RYR3: variants seen among roughly 807,000 people sequenced by gnomAD.
The protein encoded by RYR3 is brain ryanodine receptor-calcium release channel.
Under a neutral mutation model 584.3 loss-of-function variants are expected in RYR3, and 207 were observed. That is an observed-to-expected ratio of 0.35 (90% CI 0.32 to 0.40). The LOEUF (loss-of-function observed/expected upper bound fraction) is 0.40, where lower values mean the gene tolerates loss of function less well. RYR3 is among the 10% of genes least tolerant of loss of function. RYR3 has a pLI of 1.00. For missense variants in RYR3, 5,616 were observed against 6,089.2 expected (o/e 0.92, Z 2.59); for synonymous variants, 2,416 against 2,248.5 (o/e 1.07, Z -2.11).
Position 33,865,765 on chromosome 15 carries a change from CGATT to C in RYR3, c.*540_*543del, listed in dbSNP as rs1890309302. The C allele has an allele frequency of 6.5e-6, 1 of 153,278 alleles. No individual in the cohort carries two copies. Among genetic ancestry groups the C allele is most frequent in the Non-Finnish European group, 1.5e-5 (1 of 68,520 alleles). The allele number at this position is 153,278 out of a possible 1,614,324, so 9.5% of individuals were successfully genotyped here. On this transcript the variant is annotated 3_prime_UTR_variant, in exon 104 of 104. Coordinates refer to ENST00000634891, the MANE Select transcript of RYR3 (RefSeq NM_001036.6). ...CGACACTTTGTCGACACTGAAATAT[CGATT>C]AAGTGCCTTAAAACCTCTTTAGACA...
chr15:33,584,649 C>T (rs1198722697), intron 15 of RYR3, among the ~76,000 whole-genome samples, 159 bp downstream of exon 15: 2 of 152,092 alleles, frequency 1.3e-5, no homozygotes, highest in East Asian at 1.9e-4. Context: ...CTTCCTGGCA[C>T]CTGTACGACT....
intron 62 of RYR3, 114 bp downstream of exon 62, chr15:33,769,286 A>G: frequency 1.2e-6 from 1 of 830,452 alleles, no homozygotes; most frequent in African/African-American, 1.7e-5. Flanking sequence ...TTGAGAAGAG[A>G]GGAGAGACAG....
chr15:33,531,671 G>A (rs1251671722), intron 4 of RYR3, among the ~76,000 whole-genome samples: 1 of 151,304 alleles, frequency 6.6e-6, no homozygotes, highest in African/African-American at 2.4e-5. Context: ...GCACTGGTAA[G>A]AGGCTGACCT....
At chr15:33,741,906 G>T (rs1314287675) in intron 51 of RYR3, among the ~76,000 whole-genome samples, 4 of 152,106 alleles carry the variant, frequency 2.6e-5, no homozygotes, top group Non-Finnish European at 4.4e-5. Flanking sequence ...GAGCCACAGC[G>T]CCCGGCCCCA....
intron 40 of RYR3, among the ~76,000 whole-genome samples, chr15:33,699,198 G>A (rs2152769590): frequency 6.6e-6 from 1 of 151,592 alleles, no homozygotes; most frequent in East Asian, 2.0e-4. Flanking sequence ...TGGGCCTTAT[G>A]TGTCTACGAT....
intron 1 of RYR3, among the ~76,000 whole-genome samples, chr15:33,438,898 A>C (rs2045970389): frequency 6.6e-6 from 1 of 152,214 alleles, no homozygotes; most frequent in Non-Finnish European, 1.5e-5. Flanking sequence ...TCATACAAAC[A>C]AAAGGATACA....
At chr15:33,810,909 C>A in intron 71 of RYR3, 69 bp from the exon 72 acceptor site, 1 of 1,323,490 alleles carries the variant, frequency 7.6e-7, no homozygotes, top group Non-Finnish European at 1.1e-6. Flanking sequence ...ACTCTCCATA[C>A]ATCCCCATAT....
intron 46 of RYR3, among the ~76,000 whole-genome samples, chr15:33,728,009 C>T (rs754892847): frequency 2.9e-4 from 44 of 152,246 alleles, no homozygotes; most frequent in African/African-American, 8.9e-4. Context: ...CTAAATCAGA[C>T]GATTATTTCC....
rs145714318 is a variant in RYR3, at chr15:33,730,289, A to G, written c.7204-1185A>G. 4.8e-3 allele frequency among the ~76,000 whole-genome samples: 736 copies of G among 152,208 alleles called. 11 individuals are homozygous for G. Among genetic ancestry groups the G allele is most frequent in the African/African-American group, 0.017 (716 of 41,550 alleles). ...TCAAATAAACAGCAAATGCTATTCT[A>G]GTATCTGGTGTTCAATCACATGTTT... On this transcript the variant is annotated intron_variant, in intron 47 of 103. Coordinates refer to ENST00000634891, the MANE Select transcript of RYR3 (RefSeq NM_001036.6).
At chr15:33,618,833 A>G (rs1407123235) in intron 19 of RYR3, among the ~76,000 whole-genome samples, 1 of 152,222 alleles carries the variant, frequency 6.6e-6, no homozygotes, top group Non-Finnish European at 1.5e-5. Flanking sequence ...CAGCTTTGTC[A>G]TGATTTTTAC....
chr15:33,513,264 A>AT (rs1185907325), intron 3 of RYR3, among the ~76,000 whole-genome samples: 3 of 152,226 alleles, frequency 2.0e-5, no homozygotes, highest in Non-Finnish European at 4.4e-5. Context: ...ATTTATTTCC[A>AT]TTTCATTAAA....
intron 67 of RYR3, among the ~76,000 whole-genome samples, chr15:33,798,100 T>A (rs28761776): frequency 2.0e-4 from 26 of 133,066 alleles, no homozygotes; most frequent in African/African-American, 5.3e-4. Context: ...TTATTTATTT[T>A]TTTTGAGATG....
At chr15:33,364,058 T>C (rs890012192) in intron 1 of RYR3, among the ~76,000 whole-genome samples, 1 of 152,196 alleles carries the variant, frequency 6.6e-6, no homozygotes, top group Admixed American at 6.5e-5. Context: ...GTGTGAAAGA[T>C]AGTCCAGGTT....
At chr15:33,380,747 A>G (rs2041124539) in intron 1 of RYR3, among the ~76,000 whole-genome samples, 1 of 152,250 alleles carries the variant, frequency 6.6e-6, no homozygotes, top group Non-Finnish European at 1.5e-5. Context: ...ACATTCGTTC[A>G]GAGCCCACGA....
intron 66 of RYR3, among the ~76,000 whole-genome samples, chr15:33,787,736 G>T (rs778779578): frequency 1.0e-4 from 15 of 150,124 alleles, no homozygotes; most frequent in Admixed American, 4.7e-4. Context: ...GATGGTAGTC[G>T]GGTTAATGTG....
intron 22 of RYR3, among the ~76,000 whole-genome samples, chr15:33,631,007 T>G (rs2061237148): frequency 6.6e-6 from 1 of 152,190 alleles, no homozygotes; most frequent in South Asian, 2.1e-4. Flanking sequence ...CTTTGCTCTG[T>G]AATCACAGAG....
At chr15:33,583,662 G>A (rs2058700042) in intron 14 of RYR3, among the ~76,000 whole-genome samples, 1 of 152,180 alleles carries the variant, frequency 6.6e-6, no homozygotes, top group Admixed American at 6.5e-5. Context: ...GTTCACACCT[G>A]TAATCCCACC....
chr15:33,769,425 G>A (rs2073385936), intron 62 of RYR3, among the ~76,000 whole-genome samples: 1 of 152,160 alleles, frequency 6.6e-6, no homozygotes, highest in South Asian at 2.1e-4. Flanking sequence ...TTGTCTTTCA[G>A]AAGATAAAAT....
At chr15:33,786,455 G>A (rs765779278) in intron 66 of RYR3, among the ~76,000 whole-genome samples, 2 of 151,524 alleles carry the variant, frequency 1.3e-5, no homozygotes, top group African/African-American at 2.4e-5. Flanking sequence ...TGTCTCATGC[G>A]GGCTCACGGT....
Sources: allele counts gnomAD v4.1 joint callset (sites outside exome capture counted in the v4.1 genomes callset), GRCh38; gene constraint gnomAD v4.1.1; transcripts MANE v1.5; gene names NCBI Gene and HGNC (gene_info 2026-07-23, HGNC 2026-07-21).